BEND7: variants seen among roughly 807,000 people sequenced by gnomAD.
The protein encoded by BEND7 is BEN domain containing 7.
A neutral mutation model predicts 50.9 loss-of-function variants in BEND7; 28 were observed. That is an observed-to-expected ratio of 0.55 (90% confidence interval 0.41 to 0.75). The LOEUF is 0.75. BEND7 is among the 30% of genes least tolerant of loss of function. BEND7 has a pLI of 0.00. For missense variants in BEND7, 477 were observed against 491.3 expected (o/e 0.97, Z 0.28); for synonymous variants, 170 against 183.9 (o/e 0.92, Z 0.61).
intron 2 of BEND7, among the ~76,000 whole-genome samples, chr10:13,521,620 C>G (rs1051384386): frequency 2.6e-5 from 4 of 152,206 alleles, no homozygotes; most frequent in Non-Finnish European, 5.9e-5. Context: ...CTTCCACATA[C>G]TGGGATTTTG....
chr10:13,458,987 A>G (rs1241466962), intron 6 of BEND7, among the ~76,000 whole-genome samples: 2 of 152,256 alleles, frequency 1.3e-5, no homozygotes, highest in Non-Finnish European at 1.5e-5. Context: ...TACTGATGAC[A>G]AAATCCAAGT....
At chr10:13,528,379 G>A (rs1363771998) in intron 1 of BEND7, 94 bp downstream of exon 1, 33 of 499,924 alleles carry the variant, frequency 6.6e-5, no homozygotes, top group Non-Finnish European at 8.0e-5. Context: ...AGGACCGGGG[G>A]CTCCGGGAGG....
At chr10:13,514,278 G>C (rs546902623) in intron 2 of BEND7, among the ~76,000 whole-genome samples, 1 of 152,260 alleles carries the variant, frequency 6.6e-6, no homozygotes, top group African/African-American at 2.4e-5. Context: ...TAACAGATAT[G>C]ACGAGAAGAT....
At chr10:13,488,924 C>G (rs2076451015) in intron 5 of BEND7, among the ~76,000 whole-genome samples, 1 of 152,070 alleles carries the variant, frequency 6.6e-6, no homozygotes, top group Admixed American at 6.6e-5. Flanking sequence ...CAGGCTATTC[C>G]CTTTCTAAAA....
At position 13,441,456 on chromosome 10, in the gene BEND7, T is replaced by C; in HGVS notation, c.*287A>G. The C allele has an allele frequency of 7.8e-7, 1 of 1,278,796 alleles. No homozygotes were observed. 79.2% of individuals were successfully genotyped at this position (1,278,796 alleles called of 1,614,324 possible). ...TAGATCCGTTCATCGCACACATCTT[T>C]GGGTTGAACAAGCTCCACCCGTCCT... On this transcript the variant is annotated 3_prime_UTR_variant, in exon 9 of 9. Transcript: ENST00000466271.
At chr10:13,521,944 G>A (rs1263969218) in intron 2 of BEND7, among the ~76,000 whole-genome samples, 1 of 152,222 alleles carries the variant, frequency 6.6e-6, no homozygotes, top group Non-Finnish European at 1.5e-5. Context: ...GGGGACTCTA[G>A]TGGGTGCAGC....
intron 6 of BEND7, among the ~76,000 whole-genome samples, chr10:13,466,257 G>A (rs1278868310): frequency 6.7e-6 from 1 of 149,886 alleles, no homozygotes; most frequent in African/African-American, 2.5e-5. Flanking sequence ...AAAGAAAAAT[G>A]TTTCAAAATT....
At chr10:13,455,470 G>T (rs1328046718) in intron 6 of BEND7, among the ~76,000 whole-genome samples, 1 of 152,192 alleles carries the variant, frequency 6.6e-6, no homozygotes, top group African/African-American at 2.4e-5. Context: ...ATGAAGGTCA[G>T]TGAGGGCTGG....
intron 2 of BEND7, among the ~76,000 whole-genome samples, chr10:13,522,636 G>A (rs745328791): frequency 6.6e-6 from 1 of 152,190 alleles, no homozygotes; most frequent in Admixed American, 6.5e-5. Flanking sequence ...GAGAAATACA[G>A]GAGCGAATCT....
At chr10:13,480,567 T>C in intron 6 of BEND7, 1 of 883,868 alleles carries the variant, frequency 1.1e-6, no homozygotes, top group Non-Finnish European at 1.3e-6. Flanking sequence ...ACTCAAACTT[T>C]AAGTTGAAGT....
chr10:13,520,572 G>T (rs910763827), intron 2 of BEND7, among the ~76,000 whole-genome samples: 1 of 152,190 alleles, frequency 6.6e-6, no homozygotes, highest in Admixed American at 6.5e-5. Context: ...ATCAGCCCAC[G>T]TGGGCAGATT....
chr10:13,441,358 C>A lies in BEND7; in HGVS notation c.*385G>T, dbSNP rs1336818055. 1 of 1,037,334 alleles carries A rather than the reference C, an allele frequency of 9.6e-7. No homozygotes were observed. Among genetic ancestry groups the A allele is most frequent in the African/African-American group, 1.7e-5 (1 of 59,202 alleles). The allele number at this position is 1,037,334 out of a possible 1,614,324, so 64.3% of individuals were successfully genotyped here. A position where few individuals can be genotyped will look rare whatever the true frequency, so the allele number is the denominator to read the frequency against. ...CTGAATAAAGACTGAACAGTAGTCA[C>A]AGTAAGTAAACACAATTTTAATTTA... On this transcript the variant is annotated 3_prime_UTR_variant, in exon 9 of 9. Transcript: ENST00000466271.
chr10:13,447,453 T>C, intron 7 of BEND7, 137 bp from the exon 8 acceptor site: 1 of 742,522 alleles, frequency 1.3e-6, no homozygotes, highest in Non-Finnish European at 2.2e-6. Context: ...TCAGCTACCG[T>C]TGGTTCATAT....
At chr10:13,442,705 G>C (rs1328769390) in intron 8 of BEND7, 1 of 152,132 alleles carries the variant, frequency 6.6e-6, no homozygotes, top group Non-Finnish European at 1.5e-5. Flanking sequence ...ATAATTTACT[G>C]GTTTTCTCAC....
Position 13,452,524 on chromosome 10 carries a change from G to A in BEND7, c.1183+15C>T. The A allele has an allele frequency of 6.3e-7, 1 of 1,588,424 alleles. No homozygotes were observed. Among genetic ancestry groups the A allele is most frequent in the Non-Finnish European group, 8.6e-7 (1 of 1,169,130 alleles). On this transcript the variant is annotated intron_variant, in intron 7 of 8. Transcript: ENST00000466271. ...TAAGTGCTTCTCCAATTATTTTTCT[G>A]CACCTTAGTCATACCTGAGCCTCTT...
intron 2 of BEND7, among the ~76,000 whole-genome samples, chr10:13,524,346 A>G (rs78687851): frequency 0.03 from 4,606 of 152,276 alleles, 87 homozygotes; most frequent in Non-Finnish European, 0.044. Flanking sequence ...TGATAATACA[A>G]AATTCCAGCT....
At chr10:13,499,666 G>T (rs1055384032) in intron 3 of BEND7, 112 bp downstream of exon 3, 13 of 1,257,614 alleles carry the variant, frequency 1.0e-5, no homozygotes, top group Non-Finnish European at 1.4e-5. Context: ...ACTCAGCAAA[G>T]GCAGGTAATT....
At chr10:13,524,155 A>G (rs2079269428) in intron 2 of BEND7, among the ~76,000 whole-genome samples, 1 of 152,160 alleles carries the variant, frequency 6.6e-6, no homozygotes, top group Non-Finnish European at 1.5e-5. Context: ...TCTTATCCTT[A>G]CAATTCACTT....
chr10:13,519,992 G>T (rs2078973349), intron 2 of BEND7, among the ~76,000 whole-genome samples: 1 of 152,184 alleles, frequency 6.6e-6, no homozygotes, highest in African/African-American at 2.4e-5. Flanking sequence ...GCAAGAGAAG[G>T]CTGGAAGGGC....
Sources: gnomAD v4.1 joint callset for allele counts (sites outside exome capture counted in the v4.1 genomes callset) on GRCh38, gnomAD v4.1.1 for gene constraint, MANE v1.5 for transcripts, NCBI Gene and HGNC (gene_info 2026-07-23, HGNC 2026-07-21) for gene names.